PCDH15: variants seen among roughly 807,000 people sequenced by gnomAD.
PCDH15 encodes the protein protocadherin related 15.
In PCDH15, 129 loss-of-function variants were observed where a neutral mutation model predicts 178.5. The observed-to-expected ratio is 0.72, with a 90% CI of 0.63 to 0.84. The LOEUF (loss-of-function observed/expected upper bound fraction) is 0.84. PCDH15 is among the 40% of genes least tolerant of loss of function. The pLI is 0.00. For missense variants in PCDH15, 2,230 were observed against 2,099.9 expected (o/e 1.06, Z -1.21); for synonymous variants, 800 against 732.0 (o/e 1.09, Z -1.50).
chr10:54,715,035 C>T, intron 1 of PCDH15, among the ~76,000 whole-genome samples: 1 of 151,908 alleles, frequency 6.6e-6, no homozygotes, highest in East Asian at 1.9e-4. Flanking sequence ...TATTTGTTTG[C>T]CAAGAGAAAT....
At chr10:55,531,562 G>A (rs1841454941) in intron 2 of PCDH15, among the ~76,000 whole-genome samples, 1 of 151,968 alleles carries the variant, frequency 6.6e-6, no homozygotes, top group Non-Finnish European at 1.5e-5. Context: ...TGGGCAATAT[G>A]ACTACCCTTC....
chr10:54,887,083 A>G (rs750789424), intron 3 of PCDH15, among the ~76,000 whole-genome samples: 8 of 152,238 alleles, frequency 5.3e-5, no homozygotes, highest in Non-Finnish European at 1.0e-4. Context: ...AACCAAGAGC[A>G]CTACCTGTTT....
At chr10:54,003,568 C>A (rs1352355398) in intron 20 of PCDH15, among the ~76,000 whole-genome samples, 2 of 151,420 alleles carry the variant, frequency 1.3e-5, no homozygotes, top group African/African-American at 4.9e-5. Context: ...TGAAGAAATC[C>A]AAAACATTGA....
intron 14 of PCDH15, among the ~76,000 whole-genome samples, chr10:54,135,810 T>C (rs999021426): frequency 1.3e-5 from 2 of 152,160 alleles, no homozygotes; most frequent in African/African-American, 4.8e-5. Flanking sequence ...CCCTCAATGA[T>C]CTAGAGCAAA....
At chr10:54,380,729 T>TACAC (rs1554941856) in intron 3 of PCDH15, among the ~76,000 whole-genome samples, 3 of 115,066 alleles carry the variant, frequency 2.6e-5, no homozygotes, top group African/African-American at 3.7e-5. Flanking sequence ...TATATATATA[T>TACAC]ATATATATAT....
At chr10:54,562,714 T>C (rs1418995190) in intron 2 of PCDH15, among the ~76,000 whole-genome samples, 2 of 152,058 alleles carry the variant, frequency 1.3e-5, no homozygotes, top group Non-Finnish European at 2.9e-5. Context: ...CTCTCTCTCT[T>C]GATATACAGA....
intron 2 of PCDH15, among the ~76,000 whole-genome samples, chr10:55,129,764 A>G (rs1028283141): frequency 1.3e-5 from 2 of 152,160 alleles, no homozygotes; most frequent in African/African-American, 4.8e-5. Context: ...TTTACCAGAT[A>G]TTTATTTGCC....
chr10:55,081,110 C>T (rs929586334), intron 2 of PCDH15, among the ~76,000 whole-genome samples: 5 of 152,020 alleles, frequency 3.3e-5, no homozygotes, highest in South Asian at 4.1e-4. Flanking sequence ...GGATTGCAGC[C>T]GTCAATAGTG....
rs113567430 is a variant in PCDH15, at chr10:53,941,102, G to A, written c.3123-127C>T. On this transcript the variant is annotated intron_variant, in intron 23 of 37. Coordinates refer to ENST00000644397, the MANE Select transcript of PCDH15 (RefSeq NM_001384140.1). Reference sequence around the variant, plus strand: ...TACCCTCTGCCCTCACACATTCATGGCCTCCTCCATGATCAAATCCCCCAC... The same window carrying A: ...TACCCTCTGCCCTCACACATTCATGACCTCCTCCATGATCAAATCCCCCAC... The A allele has an allele frequency of 3.3e-5, 22 of 673,816 alleles. 1 individual carries two copies. Among genetic ancestry groups the A allele is most frequent in the African/African-American group, 1.4e-4 (8 of 55,644 alleles). The allele number at this position is 673,816 out of a possible 1,614,324, so 41.7% of individuals were successfully genotyped here.
chr10:55,288,867 T>TTATATATATATATATATATATA (rs1457612160), intron 1 of PCDH15, among the ~76,000 whole-genome samples: 17 of 149,150 alleles, frequency 1.1e-4, no homozygotes, highest in African/African-American at 4.3e-4. Context: ...TTCAATTCTA[T>TTATATATATATATATATATATA]TAGATATATA....
At chr10:54,433,309 G>A (rs1266547571) in intron 3 of PCDH15, among the ~76,000 whole-genome samples, 1 of 152,084 alleles carries the variant, frequency 6.6e-6, no homozygotes, top group Non-Finnish European at 1.5e-5. Flanking sequence ...AAGATTTGGA[G>A]GCAAAGTGTC....
chr10:54,356,370 C>T (rs1270709284), intron 5 of PCDH15, among the ~76,000 whole-genome samples: 1 of 151,310 alleles, frequency 6.6e-6, no homozygotes, highest in South Asian at 2.1e-4. Flanking sequence ...AAAATTGAGA[C>T]TAAAAAAATT....
intron 23 of PCDH15, among the ~76,000 whole-genome samples, chr10:53,957,599 G>A (rs1313536566): frequency 6.6e-6 from 1 of 151,858 alleles, no homozygotes; most frequent in African/African-American, 2.4e-5. Flanking sequence ...CCAGGGCAGA[G>A]TGACACAGGA....
At chr10:54,332,301 T>TA (rs1564989177) in intron 6 of PCDH15, among the ~76,000 whole-genome samples, 1 of 47,138 alleles carries the variant, frequency 2.1e-5, no homozygotes, top group African/African-American at 5.6e-5. Context: ...ATATTACATA[T>TA]TATTATATAT....
chr10:54,002,514 A>C (rs2092207065), intron 20 of PCDH15, among the ~76,000 whole-genome samples: 1 of 152,204 alleles, frequency 6.6e-6, no homozygotes, highest in Non-Finnish European at 1.5e-5. Context: ...CAACAGAATA[A>C]AACTAAAAAT....
intron 3 of PCDH15, among the ~76,000 whole-genome samples, chr10:54,449,791 A>G: frequency 6.6e-6 from 1 of 151,798 alleles, no homozygotes; most frequent in Admixed American, 6.6e-5. Flanking sequence ...AGGCCATTTT[A>G]TTAAAGGACT....
At chr10:54,563,294 T>C (rs1020673162) in intron 2 of PCDH15, among the ~76,000 whole-genome samples, 1 of 149,472 alleles carries the variant, frequency 6.7e-6, no homozygotes, top group Non-Finnish European at 1.5e-5. Flanking sequence ...AAAGCCAGAT[T>C]AGCAATCCAA....
chr10:54,075,965 TG>T (rs1190235636), intron 17 of PCDH15, among the ~76,000 whole-genome samples: 1 of 152,158 alleles, frequency 6.6e-6, no homozygotes. Context: ...AGAATAAGTT[TG>T]TTTTTTTAAA....
In PCDH15 at chr10:54,609,066, A is replaced by C. The variant is rs183311221; in HGVS notation, c.91+55106T>G. Among the ~76,000 whole-genome samples, 22 of 152,260 alleles carry C rather than the reference A, an allele frequency of 1.4e-4. No homozygotes were observed. The East Asian group carries it at 3.9e-3, about 27-fold the overall frequency. On this transcript the variant is annotated intron_variant, in intron 2 of 37. Coordinates refer to ENST00000644397, the MANE Select transcript of PCDH15 (RefSeq NM_001384140.1). ...GTACAATAAAAAATTATTCAATGTG[A>C]AACAAAACGTTGACTGCAACAATTA...
Sources: allele counts gnomAD v4.1 joint callset (sites outside exome capture counted in the v4.1 genomes callset), GRCh38; gene constraint gnomAD v4.1.1; transcripts MANE v1.5; gene names NCBI Gene and HGNC (gene_info 2026-07-23, HGNC 2026-07-21).